FCRL5: variants seen among roughly 807,000 people sequenced by gnomAD.
FCRL5 encodes Fc receptor like 5, also known as Fc receptor-like protein 5.
Under a neutral mutation model 92.1 loss-of-function variants are expected in FCRL5, and 79 were observed. That is an observed-to-expected ratio of 0.86 (90% CI 0.72 to 1.03). FCRL5 has a LOEUF of 1.03. Ranked by LOEUF, FCRL5 falls within the 50% of genes least tolerant of loss-of-function variation. FCRL5 has a pLI of 0.00. For synonymous variants in FCRL5, 466 were observed against 469.3 expected (o/e 0.99, Z 0.09); for missense variants, 1,160 against 1,181.1 (o/e 0.98, Z 0.26).
intron 7 of FCRL5, among the ~76,000 whole-genome samples, chr1:157,538,853 G>C (rs1651104690): frequency 1.3e-5 from 2 of 152,232 alleles, no homozygotes; most frequent in African/African-American, 4.8e-5. Flanking sequence ...TTGAGGAGCA[G>C]GGAAAAGAAA....
At chr1:157,548,987 T>C (rs147383976) in intron 2 of FCRL5, among the ~76,000 whole-genome samples, 3,245 of 152,124 alleles carry the variant, frequency 0.021, 104 homozygotes, top group African/African-American at 0.073. Context: ...CATGCACACG[T>C]ATGTTTACTG....
At chr1:157,525,954 T>C (rs1196532521) in intron 9 of FCRL5, among the ~76,000 whole-genome samples, 1 of 152,184 alleles carries the variant, frequency 6.6e-6, no homozygotes, top group Admixed American at 6.5e-5. Flanking sequence ...GGGAGGTCCC[T>C]TTTAGAGATA....
rs113003110 is a variant in FCRL5, at chr1:157,524,453, T to C, written c.2065A>G (p.Ile689Val). Residue 689 changes from isoleucine (I) to valine (V), a missense_variant, in exon 10 of 17, where the codon ATC (isoleucine) becomes GTC (valine). Physicochemically the swap from Ile to Val is conservative, Grantham distance 29. Coordinates refer to ENST00000361835, the MANE Select transcript of FCRL5 (RefSeq NM_031281.3). ...TCTTCATGATAAAACCAGTACAGGATTGGGGAGGAGCCTCTCAGGGCCTCA... is the reference window on the plus strand; with the variant it reads ...TCTTCATGATAAAACCAGTACAGGACTGGGGAGGAGCCTCTCAGGGCCTCA... ...HCEALRGSSPILYWFYHEDVT... is the reference protein window; with the variant it reads ...HCEALRGSSPVLYWFYHEDVT... 2,005 of 1,614,152 alleles carry C rather than the reference T, an allele frequency of 1.2e-3. 23 individuals carry two copies. The African/African-American group carries it at 0.024, about 20-fold the overall frequency.
chr1:157,531,555 T>A (rs1650697305), intron 8 of FCRL5, among the ~76,000 whole-genome samples: 2 of 152,300 alleles, frequency 1.3e-5, no homozygotes, highest in East Asian at 1.9e-4. Context: ...ATAGCCAAGA[T>A]ATAGAAGCAA....
chr1:157,525,618 T>C (rs543879422), intron 9 of FCRL5, among the ~76,000 whole-genome samples: 13 of 152,296 alleles, frequency 8.5e-5, no homozygotes, highest in Non-Finnish European at 1.3e-4. Context: ...GAAGTGGAAT[T>C]GAGGGATAGA....
intron 3 of FCRL5, among the ~76,000 whole-genome samples, chr1:157,545,708 TTAGTAGAGACGGGGTTTCA>T (rs1369123844): frequency 6.6e-6 from 1 of 152,062 alleles, no homozygotes; most frequent in Non-Finnish European, 1.5e-5. Context: ...TTTTGTATTT[TTAGTAGAGACGGGGTTTCA>T]TAGTGTTAGC....
intron 7 of FCRL5, among the ~76,000 whole-genome samples, chr1:157,537,704 G>T (rs2151163): frequency 0.81 from 123,312 of 152,056 alleles, 50,599 homozygotes; most frequent in South Asian, 0.92. Context: ...ATGTGATGTC[G>T]CCCCCGGACA....
In FCRL5 at chr1:157,546,936, C is replaced by G. The variant is rs370067894; in HGVS notation, c.307+7G>C. On this transcript the variant is annotated splice_region_variant and intron_variant, in intron 3 of 16. Coordinates refer to ENST00000361835, the MANE Select transcript of FCRL5 (RefSeq NM_031281.3). ...CTAAAGTTGGTGCGTCTTTCACGCT[C>G]TCTCACCTGAAGAAAAATCCAAGTG... is the stretch of plus-strand genomic sequence containing the variant. 6.8e-6 allele frequency: 11 copies of G among 1,610,790 alleles called. No homozygotes were observed. Among genetic ancestry groups the G allele is most frequent in the Admixed American group, 1.7e-5 (1 of 59,714 alleles).
intron 7 of FCRL5, among the ~76,000 whole-genome samples, chr1:157,536,513 C>A (rs1303318219): frequency 3.9e-5 from 6 of 152,246 alleles, no homozygotes; most frequent in Non-Finnish European, 8.8e-5. Context: ...ACCTGATCCC[C>A]ACTGTACTGC....
chr1:157,552,353 A>G lies in FCRL5; in HGVS notation c.10T>C (p.Trp4Arg), dbSNP rs770767530. ...TCACCCAGGACCAGTAATATCACCC[A>G]CAGCAGCATGAAGACCTGGACCACC... is the stretch of plus-strand genomic sequence containing the variant. MLL[W>R]VILLVLAPVS... The change falls in exon 1 of 17, where the codon TGG becomes CGG. Residue 4 changes from tryptophan to arginine, a missense_variant. Transcript: ENST00000361835. 1.2e-6 allele frequency: 2 copies of G among 1,614,098 alleles called. No individual in the cohort carries two copies. Among genetic ancestry groups the G allele is most frequent in the Admixed American group, 3.3e-5 (2 of 60,012 alleles).
intron 7 of FCRL5, among the ~76,000 whole-genome samples, chr1:157,535,944 T>TTTTTTTTTTTTTTC (rs1650949882): frequency 7.1e-5 from 2 of 28,338 alleles, no homozygotes; most frequent in Non-Finnish European, 1.6e-4. Flanking sequence ...TGTGACTCAG[T>TTTTTTTTTTTTTTC]TTTTTTTTTT....
At chr1:157,518,381 C>G (rs752110315) in intron 15 of FCRL5, 48 bp downstream of exon 15, 9 of 1,500,270 alleles carry the variant, frequency 6.0e-6, no homozygotes, top group Non-Finnish European at 7.4e-6. Flanking sequence ...CTGAGCTATA[C>G]TGTCTAAGTT....
chr1:157,531,151 T>C (rs1452178091), intron 8 of FCRL5, among the ~76,000 whole-genome samples: 1 of 152,038 alleles, frequency 6.6e-6, no homozygotes, highest in Non-Finnish European at 1.5e-5. Context: ...GATTAAAAAA[T>C]GGGCAAAAGA....
At position 157,549,561 on chromosome 1, in the gene FCRL5, A is replaced by T. The variant is rs1190633406; in HGVS notation, c.51T>A (p.Phe17Leu). 1 of 1,612,434 alleles carries T rather than the reference A, an allele frequency of 6.2e-7. No homozygotes were observed. Among genetic ancestry groups the T allele is most frequent in the Admixed American group, 1.7e-5 (1 of 59,690 alleles). Residue 17 changes from phenylalanine to leucine, a missense_variant and splice_region_variant, in exon 2 of 17, where the codon TTT becomes TTA. Phe to Leu is a conservative substitution (Grantham distance 22). Transcript: ENST00000361835. ...LLVLAPVSGQFARTPRPIIFL... is the reference protein window; with the variant it reads ...LLVLAPVSGQLARTPRPIIFL... ...AGAGCCAAAGACAGGAGAACTCACCAAACTGTCCACTGACAGGAGCTGCAA... is the reference window on the plus strand; with the variant it reads ...AGAGCCAAAGACAGGAGAACTCACCTAACTGTCCACTGACAGGAGCTGCAA...
At chr1:157,525,807 T>G (rs909919160) in intron 9 of FCRL5, among the ~76,000 whole-genome samples, 6 of 152,194 alleles carry the variant, frequency 3.9e-5, no homozygotes, top group African/African-American at 1.4e-4. Context: ...GTGTATCTGT[T>G]GAGAAGAGAT....
chr1:157,523,731 C>G (rs1650301697), intron 10 of FCRL5: 1 of 153,138 alleles, frequency 6.5e-6, no homozygotes, highest in Admixed American at 6.5e-5. Context: ...TCATCCTGCT[C>G]CCCACTCTCT....
Position 157,520,488 on chromosome 1 carries a change from T to TG in FCRL5, c.2574dup (p.Ile859HisfsTer26), listed in dbSNP as rs753905866. On this transcript the variant is annotated frameshift_variant, in exon 12 of 17. Transcript: ENST00000361835. LOFTEE classifies it high-confidence loss of function. The stretch of plus-strand genomic sequence containing the variant: ...AGTGCCCCCGCAGCAAGGCCTGCTA[T>TG]GCTGAGCAGGCCCCCGGCGACTCCT... 28 of 1,575,782 alleles carry TG rather than the reference T, an allele frequency of 1.8e-5. No individual in the cohort carries two copies. Among genetic ancestry groups the TG allele is most frequent in the Non-Finnish European group, 2.4e-5 (28 of 1,160,352 alleles).
intron 10 of FCRL5, chr1:157,522,780 A>G (rs1650257368): frequency 6.6e-6 from 1 of 152,244 alleles, no homozygotes; most frequent in Non-Finnish European, 1.5e-5. Context: ...ACAGAGAATT[A>G]TAGAAATGAG....
intron 10 of FCRL5, chr1:157,522,613 C>A (rs554128155): frequency 6.6e-6 from 1 of 152,324 alleles, no homozygotes; most frequent in Non-Finnish European, 1.5e-5. Context: ...GATGATGACA[C>A]TGGTTATGAT....
Sources: gnomAD v4.1 joint callset for allele counts (sites outside exome capture counted in the v4.1 genomes callset) on GRCh38, gnomAD v4.1.1 for gene constraint, MANE v1.5 for transcripts, NCBI Gene and HGNC (gene_info 2026-07-23, HGNC 2026-07-21) for gene names.